XIRP2: variants seen among roughly 807,000 people sequenced by gnomAD.
XIRP2 encodes xin actin binding repeat containing 2.
A neutral mutation model predicts 277.0 loss-of-function variants in XIRP2; 236 were observed. The ratio of observed to expected loss-of-function variants is 0.85; its 90% confidence interval spans 0.77 to 0.95. XIRP2 has a LOEUF of 0.95. XIRP2 is among the 40% of genes least tolerant of loss of function. The pLI is 0.00. For missense variants in XIRP2, 4,640 were observed against 4,157.5 expected (o/e 1.12, Z -3.19); for synonymous variants, 1,490 against 1,416.5 (o/e 1.05, Z -1.17).
intron 2 of XIRP2, among the ~76,000 whole-genome samples, chr2:167,064,820 G>C (rs1689262273): frequency 6.6e-6 from 1 of 151,846 alleles, no homozygotes; most frequent in Non-Finnish European, 1.5e-5. Context: ...TCATGGTGTA[G>C]CATGTCAGAA....
Position 166,903,675 on chromosome 2 carries a change from A to C in XIRP2, c.193A>C (p.Ser65Arg). Residue 65 changes from serine (S) to arginine (R), a missense_variant, in exon 2 of 11, where the codon AGT (serine) becomes CGT (arginine). Coordinates refer to ENST00000409195, the MANE Select transcript of XIRP2 (RefSeq NM_152381.6). ...TTTGGATCCCACAAGTCTGCCCTACAGTACAGGGGAAGAGATGTGGAGTTC... is the reference window on the plus strand; with the variant it reads ...TTTGGATCCCACAAGTCTGCCCTACCGTACAGGGGAAGAGATGTGGAGTTC... ...QSLDPTSLPY[S>R]TGEEMWSSKP... 2 of 1,613,670 alleles carry C rather than the reference A, an allele frequency of 1.2e-6. No homozygotes were observed. The highest frequency in any genetic ancestry group is 1.7e-6 in the Non-Finnish European group (2 of 1,179,766).
At chr2:166,976,711 T>G (rs1169186765) in intron 2 of XIRP2, among the ~76,000 whole-genome samples, 2 of 151,988 alleles carry the variant, frequency 1.3e-5, no homozygotes, top group African/African-American at 4.8e-5. Flanking sequence ...CTTACAGTGT[T>G]ATTCTTAAAA....
chr2:166,935,588 G>C (rs753023243), intron 2 of XIRP2, among the ~76,000 whole-genome samples: 1 of 152,122 alleles, frequency 6.6e-6, no homozygotes, highest in East Asian at 1.9e-4. Context: ...ATAGGCCCTG[G>C]TGTGTGATGT....
At chr2:166,895,032 G>A (rs1448988485) in intron 1 of XIRP2, among the ~76,000 whole-genome samples, 1 of 152,016 alleles carries the variant, frequency 6.6e-6, no homozygotes, top group Non-Finnish European at 1.5e-5. Context: ...AGGTCCTGTG[G>A]CAGGAGAGAA....
At chr2:167,009,116 G>A (rs1375463633) in intron 2 of XIRP2, among the ~76,000 whole-genome samples, 1 of 151,426 alleles carries the variant, frequency 6.6e-6, no homozygotes, top group African/African-American at 2.4e-5. Flanking sequence ...ACAATGTGCA[G>A]GTTAGTTACA....
intron 2 of XIRP2, among the ~76,000 whole-genome samples, chr2:167,069,866 T>C (rs185333834): frequency 6.6e-6 from 1 of 152,316 alleles, no homozygotes; most frequent in Admixed American, 6.5e-5. Context: ...GATTTCTATA[T>C]TTCACTCGGC....
rs768719822 is a variant in XIRP2 at position 167,249,412 on chromosome 2, G to A, written c.8020G>A (p.Glu2674Lys). 4.5e-5 allele frequency: 72 copies of A among 1,613,600 alleles called. No homozygotes were observed. Among genetic ancestry groups the A allele is most frequent in the East Asian group, 1.8e-4 (8 of 44,850 alleles). ...RDIMQSKSAC[E>K]IKQSHQECST... is the part of the protein sequence containing the mutation. ...CATTATGCAATCCAAATCAGCTTGC[G>A]AAATTAAACAAAGTCACCAAGAATG... is the stretch of plus-strand genomic sequence containing the variant. Residue 2674 changes from glutamate to lysine, a missense_variant, in exon 9 of 11, where the codon GAA (glutamate) becomes AAA (lysine). By Grantham distance (56) the Glu-to-Lys change is moderately conservative. Coordinates refer to ENST00000409195, the MANE Select transcript of XIRP2 (RefSeq NM_152381.6).
chr2:167,246,861 G>A lies in XIRP2; in HGVS notation c.5469G>A (p.Glu1823=). The part of the protein sequence containing the change: ...VHNTVKVFMT[E]PQSTFGKIPK... ...ACACAGTTAAGGTTTTTATGACCGA[G>A]CCTCAGAGTACATTTGGTAAGATAC... is the stretch of plus-strand genomic sequence containing the variant. Residue 1823 remains glutamate, a synonymous_variant, in exon 9 of 11, where the codon GAG becomes GAA. Transcript: ENST00000409195. 6.2e-7 allele frequency: 1 copy of A among 1,613,760 alleles called. No individual in the cohort carries two copies. Among genetic ancestry groups the A allele is most frequent in the Non-Finnish European group, 8.5e-7 (1 of 1,179,832 alleles).
intron 3 of XIRP2, among the ~76,000 whole-genome samples, chr2:167,153,758 A>G (rs1574302797): frequency 6.6e-6 from 1 of 151,472 alleles, no homozygotes; most frequent in Non-Finnish European, 1.5e-5. Flanking sequence ...TTATGGCTGC[A>G]TAGTATTCCA....
At chr2:167,164,211 C>T (rs1485986674) in intron 3 of XIRP2, among the ~76,000 whole-genome samples, 3 of 151,650 alleles carry the variant, frequency 2.0e-5, no homozygotes, top group South Asian at 2.1e-4. Flanking sequence ...GAGGCCGAGG[C>T]AGGTGGATCA....
chr2:166,996,605 C>T (rs1687227814), intron 2 of XIRP2, among the ~76,000 whole-genome samples: 1 of 152,018 alleles, frequency 6.6e-6, no homozygotes, highest in Non-Finnish European at 1.5e-5. Context: ...ACAGTCTGGG[C>T]AACAGAGCAA....
chr2:167,151,636 A>G (rs1692018903), intron 3 of XIRP2, among the ~76,000 whole-genome samples: 1 of 152,154 alleles, frequency 6.6e-6, no homozygotes, highest in African/African-American at 2.4e-5. Flanking sequence ...TTCTCAAATC[A>G]TCCTCTTAGT....
chr2:167,078,791 T>TCG (rs371203610), intron 2 of XIRP2, among the ~76,000 whole-genome samples: 2,082 of 147,242 alleles, frequency 0.014, 57 homozygotes, highest in African/African-American at 0.051. Context: ...TGAGCCGAGA[T>TCG]CGCGCCACTG....
intron 3 of XIRP2, among the ~76,000 whole-genome samples, chr2:167,154,773 C>T (rs1285236201): frequency 7.9e-5 from 12 of 151,754 alleles, no homozygotes; most frequent in Admixed American, 1.3e-4. Context: ...AATAGAGACA[C>T]AAAAAACCCT....
At chr2:167,019,001 T>C (rs1687910806) in intron 2 of XIRP2, among the ~76,000 whole-genome samples, 1 of 151,998 alleles carries the variant, frequency 6.6e-6, no homozygotes. Flanking sequence ...GTTATAAGGA[T>C]ATAGTTATTG....
At chr2:166,933,594 A>T (rs1458265971) in intron 2 of XIRP2, among the ~76,000 whole-genome samples, 5 of 151,950 alleles carry the variant, frequency 3.3e-5, no homozygotes, top group African/African-American at 1.2e-4. Context: ...AAAAAAATTG[A>T]TATATAAGTT....
intron 2 of XIRP2, among the ~76,000 whole-genome samples, chr2:166,909,269 G>C (rs1399051322): frequency 6.6e-6 from 1 of 152,162 alleles, no homozygotes; most frequent in African/African-American, 2.4e-5. Flanking sequence ...TCTTCCATTT[G>C]TTTCTGACCT....
At chr2:166,896,175 C>A (rs992031698) in intron 1 of XIRP2, among the ~76,000 whole-genome samples, 7 of 152,110 alleles carry the variant, frequency 4.6e-5, no homozygotes, top group Admixed American at 3.9e-4. Flanking sequence ...GAAAAACATC[C>A]CTATTGCCCA....
At chr2:167,072,340 A>G (rs1689457294) in intron 2 of XIRP2, among the ~76,000 whole-genome samples, 1 of 152,180 alleles carries the variant, frequency 6.6e-6, no homozygotes, top group African/African-American at 2.4e-5. Context: ...TTTTAACCAT[A>G]TCAAGTTAGT....
Sources: allele counts gnomAD v4.1 joint callset (sites outside exome capture counted in the v4.1 genomes callset), GRCh38; gene constraint gnomAD v4.1.1; transcripts MANE v1.5; gene names NCBI Gene and HGNC (gene_info 2026-07-23, HGNC 2026-07-21).